TTC13: variants seen among roughly 807,000 people sequenced by gnomAD.
TTC13 encodes the protein tetratricopeptide repeat protein 13.
TTC13 carries 62 observed loss-of-function variants against 120.0 expected under a neutral mutation model. The observed-to-expected ratio is 0.52, with a 90% CI of 0.42 to 0.64. The LOEUF (loss-of-function observed/expected upper bound fraction) is 0.64. Ranked by LOEUF, TTC13 falls within the 30% of genes least tolerant of loss-of-function variation. The pLI is 0.00. For missense variants in TTC13, 824 were observed against 1,050.2 expected, an observed-to-expected ratio of 0.78 and a Z score of 2.98; for synonymous variants, 384 against 393.5, an observed-to-expected ratio of 0.98 and a Z score of 0.28.
In TTC13 at chr1:230,944,245, C is replaced by T. The variant is rs1440560851; in HGVS notation, c.580-347G>A. Among the ~76,000 whole-genome samples, 1 of 152,166 alleles carries T rather than the reference C, an allele frequency of 6.6e-6. No individual in the cohort carries two copies. The highest frequency in any genetic ancestry group is 1.5e-5 in the Non-Finnish European group (1 of 68,028). ...TACCAGCACATGAAATGAGGCTGACCTGTGGCAACAGGGGAACAGAAATGG... is the reference window on the plus strand; with the variant it reads ...TACCAGCACATGAAATGAGGCTGACTTGTGGCAACAGGGGAACAGAAATGG... On this transcript the variant is annotated intron_variant, in intron 5 of 22. Coordinates refer to ENST00000366661, the MANE Select transcript of TTC13 (RefSeq NM_024525.5). This position sits in a 1 kb window ranked among gnomAD's most constrained non-coding sequence, Gnocchi z 4.0.
rs1674458965 is a variant in TTC13, at chr1:230,940,708, G to A, written c.673-152C>T. 1.8e-6 allele frequency: 1 copy of A among 562,918 alleles called. No individual in the cohort carries two copies. Among genetic ancestry groups the A allele is most frequent in the South Asian group, 2.0e-5 (1 of 48,916 alleles). The allele number at this position is 562,918 out of a possible 1,614,324, so 34.9% of individuals were successfully genotyped here. A position where few individuals can be genotyped will look rare whatever the true frequency, so the allele number is the denominator to read the frequency against. On this transcript the variant is annotated intron_variant, in intron 6 of 22. Coordinates refer to ENST00000366661, the MANE Select transcript of TTC13 (RefSeq NM_024525.5). This position sits in a 1 kb window ranked among gnomAD's most constrained non-coding sequence, Gnocchi z 4.1. The stretch of plus-strand genomic sequence containing the variant: ...TTGACCCCCTATATTATGCGGTGGG[G>A]TTCAAAGTCAACCAGCTGAGGTGCC...
chr1:230,912,853 G>A (rs750374736), intron 18 of TTC13, 95 bp from the exon 19 acceptor site: 46 of 1,116,612 alleles, frequency 4.1e-5, no homozygotes, highest in East Asian at 1.2e-4. Flanking sequence ...GCATACTGAC[G>A]TAGCACTAAA....
intron 1 of TTC13, among the ~76,000 whole-genome samples, chr1:230,972,246 A>T (rs1206824204): frequency 6.6e-6 from 1 of 152,250 alleles, no homozygotes; most frequent in East Asian, 1.9e-4. Flanking sequence ...ATGGAATGAG[A>T]CTATCGGCAA....
chr1:230,931,589 A>G, intron 10 of TTC13, 117 bp from the exon 11 acceptor site: 1 of 1,455,946 alleles, frequency 6.9e-7, no homozygotes, highest in Non-Finnish European at 9.4e-7. Context: ...AAACTAGTCT[A>G]CAGGACAAGA....
At chr1:230,977,598 G>A (rs552788346) in intron 1 of TTC13, among the ~76,000 whole-genome samples, 2 of 152,026 alleles carry the variant, frequency 1.3e-5, no homozygotes, top group Non-Finnish European at 1.5e-5. Context: ...AAAAAAAAAG[G>A]TATTGTTTTC....
intron 19 of TTC13, 34 bp downstream of exon 19, chr1:230,912,589 A>C: frequency 6.2e-7 from 1 of 1,603,478 alleles, no homozygotes; most frequent in Non-Finnish European, 8.5e-7. Flanking sequence ...GAATCATAGG[A>C]AGAGCAGAAA....
At chr1:230,922,281 A>T (rs896691323) in intron 15 of TTC13, among the ~76,000 whole-genome samples, 1 of 152,046 alleles carries the variant, frequency 6.6e-6, no homozygotes, top group Non-Finnish European at 1.5e-5. Context: ...TCTATCTTCT[A>T]AGAGTCTAGC....
rs143625125 is a variant in TTC13, at chr1:230,920,520, G to A, written c.1973C>T (p.Pro658Leu). ...EKVHKVEDLLPIMKQFNTKTK... is the reference protein window; with the variant it reads ...EKVHKVEDLLLIMKQFNTKTK... ...TGATGCTAAAGTTACCTTCATAATC[G>A]GAAGAAGGTCTTCTACTTTGTGTAC... The change falls in exon 17 of 23, where the codon CCG (proline) becomes CTG (leucine). Residue 658 changes from proline to leucine, a missense_variant. Pro to Leu is a moderately conservative substitution (Grantham distance 98, BLOSUM62 -3). Coordinates refer to ENST00000366661, the MANE Select transcript of TTC13 (RefSeq NM_024525.5). The A allele has an allele frequency of 2.5e-4, 410 of 1,610,208 alleles. 1 individual carries two copies. The highest frequency in any genetic ancestry group is 1.6e-4 in the Middle Eastern group (1 of 6,074).
chr1:230,918,050 C>T (rs1468800537), intron 17 of TTC13, among the ~76,000 whole-genome samples: 1 of 152,220 alleles, frequency 6.6e-6, no homozygotes, highest in Non-Finnish European at 1.5e-5. Context: ...GGGATTGTCA[C>T]ACATAATGTA....
intron 14 of TTC13, 57 bp from the exon 15 acceptor site, chr1:230,923,990 C>T: frequency 7.2e-7 from 1 of 1,394,110 alleles, no homozygotes; most frequent in East Asian, 2.3e-5. Context: ...CCAAATAAAA[C>T]ATGTAGAAGT....
At chr1:230,926,089 GC>G (rs910622169) in intron 12 of TTC13, among the ~76,000 whole-genome samples, 13 of 152,090 alleles carry the variant, frequency 8.5e-5, no homozygotes, top group African/African-American at 2.7e-4. Context: ...CCTGCTTGAT[GC>G]TTTTATAACA....
intron 21 of TTC13, 34 bp downstream of exon 21, chr1:230,908,908 A>T: frequency 6.2e-7 from 1 of 1,612,476 alleles, no homozygotes; most frequent in Non-Finnish European, 8.5e-7. Flanking sequence ...CTTAATACAT[A>T]ACCAAGCATT....
intron 16 of TTC13, 30 bp from the exon 17 acceptor site, chr1:230,920,624 T>C (rs990036420): frequency 2.9e-5 from 38 of 1,306,682 alleles, no homozygotes; most frequent in Non-Finnish European, 3.9e-5. Context: ...AGATGGCAAC[T>C]GAGATTAATG....
chr1:230,976,561 G>A (rs888096272), intron 1 of TTC13, among the ~76,000 whole-genome samples: 1 of 152,200 alleles, frequency 6.6e-6, no homozygotes, highest in Non-Finnish European at 1.5e-5. Context: ...CACAGCGGCA[G>A]CTGCCCCACT....
intron 4 of TTC13, among the ~76,000 whole-genome samples, chr1:230,949,973 T>G (rs1398937253): frequency 6.6e-6 from 1 of 152,204 alleles, no homozygotes; most frequent in East Asian, 1.9e-4. Flanking sequence ...TTTTTAGAAT[T>G]TTTTCCTAAC....
At chr1:230,929,811 A>G (rs1211842091) in intron 11 of TTC13, among the ~76,000 whole-genome samples, 1 of 152,190 alleles carries the variant, frequency 6.6e-6, no homozygotes, top group East Asian at 1.9e-4. Flanking sequence ...CAGTGTAGGA[A>G]AAAACCCAAA....
At chr1:230,947,762 GA>G (rs1311755077) in intron 4 of TTC13, among the ~76,000 whole-genome samples, 1 of 152,096 alleles carries the variant, frequency 6.6e-6, no homozygotes, top group Admixed American at 6.5e-5. Flanking sequence ...TCTCCTAACA[GA>G]AAAAAGTTTA....
intron 8 of TTC13, among the ~76,000 whole-genome samples, chr1:230,934,990 C>G (rs1186392280): frequency 6.6e-6 from 1 of 152,218 alleles, no homozygotes; most frequent in Non-Finnish European, 1.5e-5. Context: ...GGAAGGGAGA[C>G]AGCAGGACAA....
chr1:230,947,847 C>T (rs991368037), intron 4 of TTC13, among the ~76,000 whole-genome samples: 10 of 152,158 alleles, frequency 6.6e-5, no homozygotes, highest in Non-Finnish European at 1.0e-4. Flanking sequence ...CTGGCATCCC[C>T]GCACACCCGT....
Sources: gnomAD v4.1 joint callset for allele counts (sites outside exome capture counted in the v4.1 genomes callset) on GRCh38, gnomAD v4.1.1 for gene constraint, Gnocchi (gnomAD v3.1) non-coding constraint, MANE v1.5 for transcripts, NCBI Gene and HGNC (gene_info 2026-07-23, HGNC 2026-07-21) for gene names.